Variants in CELF2 observed in about 807,000 individuals in gnomAD.
The protein encoded by CELF2 is CUGBP Elav-like family member 2, also known as CUG triplet repeat RNA-binding protein 2.
Under a neutral mutation model 62.6 loss-of-function variants are expected in CELF2, and 8 were observed. The ratio of observed to expected loss-of-function variants is 0.13; its 90% CI spans 0.07 to 0.23. The LOEUF (loss-of-function observed/expected upper bound fraction) is 0.23. Ranked by LOEUF, CELF2 falls within the 10% of genes least tolerant of loss-of-function variation. The pLI, the probability that CELF2 is intolerant of heterozygous loss-of-function variation, is 1.00. For synonymous variants in CELF2, 258 were observed against 250.0 expected, an observed-to-expected ratio of 1.03 and a Z score of -0.30; for missense variants, 333 against 671.0, an observed-to-expected ratio of 0.50 and a Z score of 5.56.
chr10:10,517,499 A>G, the CELF2 span, among the ~76,000 whole-genome samples: 4 of 152,126 alleles, frequency 2.6e-5, no homozygotes, highest in Admixed American at 6.5e-5. Context: ...CATCATCACA[A>G]ATAGGATGTT....
chr10:10,698,966 A>C, the CELF2 span, among the ~76,000 whole-genome samples: 1 of 152,072 alleles, frequency 6.6e-6, no homozygotes, highest in South Asian at 2.1e-4. Flanking sequence ...CATATCATAC[A>C]TAATTATATT....
the CELF2 span, among the ~76,000 whole-genome samples, chr10:10,477,961 A>G: frequency 6.6e-6 from 1 of 152,194 alleles, no homozygotes; most frequent in Non-Finnish European, 1.5e-5. Context: ...CTGTAATACA[A>G]TTTAATGCTC....
At chr10:10,887,288 CA>C (rs2061819044) in intron 1 of CELF2, among the ~76,000 whole-genome samples, 1 of 152,156 alleles carries the variant, frequency 6.6e-6, no homozygotes, top group Admixed American at 6.5e-5. Flanking sequence ...CAAGGTATCA[CA>C]GATAGCACGT....
At chr10:11,271,118 G>C (rs957482389) in intron 7 of CELF2, among the ~76,000 whole-genome samples, 2 of 152,194 alleles carry the variant, frequency 1.3e-5, no homozygotes, top group Non-Finnish European at 2.9e-5. Flanking sequence ...ATGATGTAAC[G>C]AGAGGGAGGC....
intron 1 of CELF2, among the ~76,000 whole-genome samples, chr10:11,041,855 C>T (rs568356790): frequency 5.3e-5 from 8 of 152,206 alleles, no homozygotes; most frequent in Middle Eastern, 3.4e-3. Flanking sequence ...ACTATATATA[C>T]GAAAGAATTG....
chr10:10,492,997 A>T, the CELF2 span, among the ~76,000 whole-genome samples: 1 of 152,150 alleles, frequency 6.6e-6, no homozygotes, highest in East Asian at 1.9e-4. Flanking sequence ...CTCCCCACCC[A>T]TGTGGGACTG....
intron 1 of CELF2, among the ~76,000 whole-genome samples, chr10:10,810,762 C>G (rs2055788372): frequency 6.6e-6 from 1 of 152,194 alleles, no homozygotes; most frequent in Non-Finnish European, 1.5e-5. Context: ...CATCGTTCAT[C>G]AAGTCATGCC....
chr10:10,502,802 T>C, the CELF2 span, among the ~76,000 whole-genome samples: 2,577 of 152,096 alleles, frequency 0.017, 49 homozygotes, highest in East Asian at 0.078. Flanking sequence ...TTTGCTCTGC[T>C]ATTTTGAAGT....
chr10:10,891,320 C>T (rs2062122380), intron 1 of CELF2, among the ~76,000 whole-genome samples: 5 of 152,064 alleles, frequency 3.3e-5, no homozygotes, highest in Admixed American at 2.6e-4. Context: ...AGGCAAACTC[C>T]ATGGAAGAAA....
chr10:10,887,774 A>ATT (rs1308333447), intron 1 of CELF2, among the ~76,000 whole-genome samples: 11 of 139,308 alleles, frequency 7.9e-5, no homozygotes, highest in East Asian at 2.1e-4. Flanking sequence ...GTAGACTTTT[A>ATT]TTTTTTTTTT....
At chr10:11,072,970 CTA>C (rs2070613290) in intron 1 of CELF2, among the ~76,000 whole-genome samples, 1 of 151,496 alleles carries the variant, frequency 6.6e-6, no homozygotes, top group Non-Finnish European at 1.5e-5. Flanking sequence ...TATTAATATC[CTA>C]TTACATTATA....
intron 1 of CELF2, among the ~76,000 whole-genome samples, chr10:10,909,078 C>A (rs924513390): frequency 6.6e-6 from 1 of 152,210 alleles, no homozygotes; most frequent in Admixed American, 6.5e-5. Context: ...GCGTGAGCCA[C>A]CATGCCTGGC....
chr10:10,761,125 T>G, the CELF2 span, among the ~76,000 whole-genome samples: 2 of 152,164 alleles, frequency 1.3e-5, no homozygotes, highest in South Asian at 4.1e-4. Flanking sequence ...TGACTTGAAT[T>G]AAGTAACAGC....
At chr10:10,488,261 G>A in the CELF2 span, among the ~76,000 whole-genome samples, 3 of 152,168 alleles carry the variant, frequency 2.0e-5, no homozygotes, top group African/African-American at 4.8e-5. Flanking sequence ...GAAAACAAAC[G>A]ACTGAACTAG....
intron 1 of CELF2, among the ~76,000 whole-genome samples, chr10:10,837,450 G>A (rs2058376154): frequency 6.6e-6 from 1 of 152,120 alleles, no homozygotes; most frequent in African/African-American, 2.4e-5. Flanking sequence ...TCAGCAGTGT[G>A]AAAACAGACT....
the CELF2 span, among the ~76,000 whole-genome samples, chr10:10,675,748 G>A: frequency 5.3e-5 from 8 of 152,050 alleles, no homozygotes; most frequent in Non-Finnish European, 8.8e-5. Context: ...CCTCCAATAA[G>A]CCCATTAAAG....
intron 1 of CELF2, among the ~76,000 whole-genome samples, chr10:10,912,457 C>T (rs2063898715): frequency 6.6e-6 from 1 of 152,152 alleles, no homozygotes; most frequent in African/African-American, 2.4e-5. Flanking sequence ...GCAACCTCCA[C>T]CTCCCAGGTT....
intron 1 of CELF2, among the ~76,000 whole-genome samples, chr10:10,903,111 G>A (rs17136745): frequency 0.045 from 6,867 of 152,304 alleles, 264 homozygotes; most frequent in African/African-American, 0.11. Context: ...GAGCTCCTCA[G>A]TACCATTTCC....
the CELF2 span, among the ~76,000 whole-genome samples, chr10:10,491,299 A>G: frequency 1.3e-5 from 2 of 152,206 alleles, no homozygotes; most frequent in African/African-American, 4.8e-5. Context: ...TAGATGCAGA[A>G]TTGTCTTGCA....
Sources: allele counts gnomAD v4.1 joint callset (sites outside exome capture counted in the v4.1 genomes callset), GRCh38; gene constraint gnomAD v4.1.1; transcripts MANE v1.5; gene names NCBI Gene and HGNC (gene_info 2026-07-23, HGNC 2026-07-21).